NT5C2: variants seen among roughly 807,000 people sequenced by gnomAD.
The protein encoded by NT5C2 is cytosolic purine 5'-nucleotidase.
In NT5C2, 58 loss-of-function variants were observed where a neutral mutation model predicts 76.1. That is an observed-to-expected ratio of 0.76 (90% confidence interval 0.62 to 0.95). The LOEUF (loss-of-function observed/expected upper bound fraction) is 0.95, where lower values mean the gene tolerates loss of function less well. Among genes scored for constraint, NT5C2 ranks in the 40% least tolerant of loss-of-function variants. The pLI, the probability that NT5C2 is intolerant of heterozygous loss-of-function variation, is 0.00. For synonymous variants in NT5C2, 229 were observed against 237.4 expected, an observed-to-expected ratio of 0.96 and a Z score of 0.32; for missense variants, 478 against 690.3, an observed-to-expected ratio of 0.69 and a Z score of 3.45.
At position 103,089,981 on chromosome 10, in the gene NT5C2, T is replaced by TC. The variant is rs1203573423; in HGVS notation, c.1450-74dup. The TC allele has an allele frequency of 1.8e-5, 22 of 1,252,874 alleles. 1 individual carries two copies. In the South Asian group the frequency reaches 3.0e-4, roughly 17 times the overall value. The allele number at this position is 1,252,874 out of a possible 1,614,324, so 77.6% of individuals were successfully genotyped here. A position where few individuals can be genotyped will look rare whatever the true frequency, so the allele number is the denominator to read the frequency against. On this transcript the variant is annotated intron_variant, in intron 18 of 18. Coordinates refer to ENST00000404739, the MANE Select transcript of NT5C2 (RefSeq NM_001351169.2). ...GCTACTCCCCAAATCCTAACCCCTCTCCTCTGTTAGGTGGCCATGCAATTA... is the reference window on the plus strand; with the variant it reads ...GCTACTCCCCAAATCCTAACCCCTCTCCCTCTGTTAGGTGGCCATGCAATTA...
At chr10:103,093,736 A>G in intron 14 of NT5C2, 1 of 500,012 alleles carries the variant, frequency 2.0e-6, no homozygotes, top group Non-Finnish European at 3.6e-6. Flanking sequence ...AAAAGCCTCC[A>G]ATAGGATTTA....
chr10:103,126,431 CGT>C (rs1565083312), intron 4 of NT5C2, among the ~76,000 whole-genome samples: 2 of 151,870 alleles, frequency 1.3e-5, no homozygotes, highest in East Asian at 3.9e-4. Context: ...AGACCAGCCT[CGT>C]CAATATGGTG....
intron 3 of NT5C2, among the ~76,000 whole-genome samples, chr10:103,150,036 T>TTC (rs2082132638): frequency 6.6e-6 from 1 of 152,108 alleles, no homozygotes; most frequent in South Asian, 2.1e-4. Flanking sequence ...GATGAGGAGC[T>TTC]TCTCAAGTCT....
chr10:103,180,363 T>C (rs2090840350), intron 2 of NT5C2, among the ~76,000 whole-genome samples: 2 of 152,206 alleles, frequency 1.3e-5, no homozygotes, highest in Non-Finnish European at 2.9e-5. Flanking sequence ...CTTAAACATA[T>C]ATCTATCATA....
At chr10:103,128,005 A>G (rs1488043370) in intron 4 of NT5C2, among the ~76,000 whole-genome samples, 1 of 151,274 alleles carries the variant, frequency 6.6e-6, no homozygotes, top group Non-Finnish European at 1.5e-5. Context: ...CACCCCCTGC[A>G]AAAACAAACA....
chr10:103,187,165 G>A (rs910931017), intron 1 of NT5C2, among the ~76,000 whole-genome samples: 7 of 151,602 alleles, frequency 4.6e-5, no homozygotes, highest in Admixed American at 1.3e-4. Flanking sequence ...CAGGAGAATC[G>A]CTTAAACCCA....
At chr10:103,152,124 C>G (rs570456315) in intron 3 of NT5C2, among the ~76,000 whole-genome samples, 2 of 152,236 alleles carry the variant, frequency 1.3e-5, no homozygotes, top group Admixed American at 6.5e-5. Context: ...TATAAACAAC[C>G]CTGTGTACAA....
intron 10 of NT5C2, chr10:103,098,018 G>A: frequency 3.8e-6 from 2 of 527,852 alleles, no homozygotes. Flanking sequence ...AAAATAGGAA[G>A]CACAAAAACT....
intron 14 of NT5C2, 199 bp downstream of exon 14, chr10:103,093,773 A>G: frequency 3.9e-6 from 2 of 517,470 alleles, no homozygotes; most frequent in Non-Finnish European, 3.4e-6. Context: ...TTTTAGTGAA[A>G]ATCAGATTCA....
chr10:103,097,405 C>T lies in NT5C2; in HGVS notation c.688-31G>A, dbSNP rs369776710. The T allele has an allele frequency of 1.0e-5, 16 of 1,553,598 alleles. No individual in the cohort carries two copies. The African/African-American group carries it at 1.4e-4, about 13-fold the overall frequency. On this transcript the variant is annotated intron_variant, in intron 10 of 18. Coordinates refer to ENST00000404739, the MANE Select transcript of NT5C2 (RefSeq NM_001351169.2). ...ATGTAATTGGATAATGAGTGAAACA[C>T]GAAAACATTTTTATCTTTACACTTT...
At chr10:103,110,742 C>T (rs1447943223) in intron 4 of NT5C2, among the ~76,000 whole-genome samples, 4 of 152,288 alleles carry the variant, frequency 2.6e-5, no homozygotes, top group Non-Finnish European at 5.9e-5. Flanking sequence ...CCCAGATAAT[C>T]ACAAATGATT....
At chr10:103,170,425 C>G (rs962210097) in intron 3 of NT5C2, among the ~76,000 whole-genome samples, 3 of 151,622 alleles carry the variant, frequency 2.0e-5, no homozygotes, top group African/African-American at 7.3e-5. Flanking sequence ...ACGTAGGGTA[C>G]AGAATCCATC....
chr10:103,102,047 G>A (rs757741518), intron 6 of NT5C2, among the ~76,000 whole-genome samples: 9 of 152,074 alleles, frequency 5.9e-5, no homozygotes, highest in Admixed American at 2.6e-4. Context: ...ATCCCATCGG[G>A]GCTGAGTTGT....
chr10:103,139,281 T>A, intron 4 of NT5C2, 125 bp downstream of exon 4: 1 of 527,680 alleles, frequency 1.9e-6, no homozygotes, highest in Non-Finnish European at 3.3e-6. Context: ...AGCAACCTGA[T>A]AATAAAAGCT....
intron 12 of NT5C2, 81 bp from the exon 13 acceptor site, chr10:103,094,536 G>C (rs2067689272): frequency 1.3e-6 from 1 of 754,680 alleles, no homozygotes; most frequent in African/African-American, 1.7e-5. Context: ...CAGATGCAAG[G>C]AATATAAAAA....
Position 103,175,415 on chromosome 10 carries a change from T to C in NT5C2, c.-24-433A>G, listed in dbSNP as rs138087589. 4.7e-4 allele frequency: 77 copies of C among 162,914 alleles called. 1 individual carries two copies. In the East Asian group the frequency reaches 8.4e-3, roughly 18 times the overall value. The allele number at this position is 162,914 out of a possible 1,614,324, so 10.1% of individuals were successfully genotyped here. A position where few individuals can be genotyped will look rare whatever the true frequency, so the allele number is the denominator to read the frequency against. Reference sequence around the variant, plus strand: ...AACAGTAGCAGGCACAGCTAGCGGGTTGGAATGGGGGTACAGCTCGTTTCC... The same window carrying C: ...AACAGTAGCAGGCACAGCTAGCGGGCTGGAATGGGGGTACAGCTCGTTTCC... On this transcript the variant is annotated intron_variant, in intron 2 of 18. Transcript: ENST00000404739.
intron 4 of NT5C2, among the ~76,000 whole-genome samples, chr10:103,119,281 A>C (rs2075134450): frequency 6.6e-6 from 1 of 152,324 alleles, no homozygotes. Context: ...AGGCAGGAGA[A>C]TCATTTGAAT....
intron 16 of NT5C2, among the ~76,000 whole-genome samples, 168 bp downstream of exon 16, chr10:103,091,396 A>G (rs2066841194): frequency 6.6e-6 from 1 of 150,952 alleles, no homozygotes; most frequent in Non-Finnish European, 1.5e-5. Flanking sequence ...CCCAGGCTGG[A>G]GTGCAATGGT....
intron 1 of NT5C2, among the ~76,000 whole-genome samples, chr10:103,182,854 A>G (rs1186600419): frequency 6.6e-6 from 1 of 152,198 alleles, no homozygotes; most frequent in Admixed American, 6.5e-5. Flanking sequence ...AGTTAAAGCT[A>G]TATCCTCCAT....
Sources: gnomAD v4.1 joint callset for allele counts (sites outside exome capture counted in the v4.1 genomes callset) on GRCh38, gnomAD v4.1.1 for gene constraint, MANE v1.5 for transcripts, NCBI Gene and HGNC (gene_info 2026-07-23, HGNC 2026-07-21) for gene names.